Variants in TMEM131 observed in about 807,000 individuals in gnomAD.
TMEM131 encodes the protein 2610524E03Rik.
A neutral mutation model predicts 211.6 loss-of-function variants in TMEM131; 66 were observed. The observed-to-expected ratio is 0.31, with a 90% CI of 0.26 to 0.38. TMEM131 has a LOEUF of 0.38. TMEM131 is among the 10% of genes least tolerant of loss of function. TMEM131 has a pLI of 1.00. For synonymous variants in TMEM131, 844 were observed against 841.3 expected (o/e 1.00, Z -0.06); for missense variants, 2,036 against 2,299.3 (o/e 0.89, Z 2.34).
Position 97,811,312 on chromosome 2 carries a change from G to A in TMEM131, c.1864-80C>T, listed in dbSNP as rs997250193. 72 of 1,028,104 alleles carry A rather than the reference G, an allele frequency of 7.0e-5. No homozygotes were observed. The African/African-American group carries it at 8.3e-4, about 12-fold the overall frequency. The allele number at this position is 1,028,104 out of a possible 1,614,324, so 63.7% of individuals were successfully genotyped here. On this transcript the variant is annotated intron_variant, in intron 17 of 40. Transcript: ENST00000186436. ...TTAAAATGGACATGAAGGGTGTAGC[G>A]ATAAAATGACTAACAAATCCTAACA...
chr2:97,995,496 G>C lies in TMEM131; in HGVS notation c.167C>G (p.Ala56Gly), dbSNP rs577638823. 13 of 1,409,126 alleles carry C rather than the reference G, an allele frequency of 9.2e-6. No individual in the cohort carries two copies. The highest frequency in any genetic ancestry group is 1.2e-5 in the Non-Finnish European group (13 of 1,076,150). 87.3% of individuals were successfully genotyped at this position (1,409,126 alleles called of 1,614,324 possible). Residue 56 changes from alanine to glycine, a missense_variant, in exon 1 of 41, where the codon GCG becomes GGG. Transcript: ENST00000186436. ...CCCACCTTCCTTCTCGGCCCGCGCC[G>C]CAGCCACTACGAGGGTCATCACCAG... ...LHLVMTLVVA[A>G]ARAEKEAFVQ...
chr2:97,961,280 A>G (rs1050917901), intron 1 of TMEM131, among the ~76,000 whole-genome samples: 1 of 152,198 alleles, frequency 6.6e-6, no homozygotes, highest in Non-Finnish European at 1.5e-5. Context: ...AAAAAATACA[A>G]TCGGTTGTAT....
At chr2:97,837,479 C>T (rs1682990879) in intron 7 of TMEM131, among the ~76,000 whole-genome samples, 1 of 152,174 alleles carries the variant, frequency 6.6e-6, no homozygotes, top group Admixed American at 6.5e-5. Context: ...ACAAAAATTA[C>T]CAAGTTTTGG....
chr2:97,980,299 G>A (rs1679729769), intron 1 of TMEM131, among the ~76,000 whole-genome samples: 1 of 152,206 alleles, frequency 6.6e-6, no homozygotes, highest in South Asian at 2.1e-4. Context: ...TGTCAGGCAG[G>A]ATTGCCACAA....
At chr2:97,953,013 A>C in intron 1 of TMEM131, among the ~76,000 whole-genome samples, 1 of 152,252 alleles carries the variant, frequency 6.6e-6, no homozygotes, top group East Asian at 1.9e-4. Flanking sequence ...TGTCACTACC[A>C]AGCCTACGCT....
intron 1 of TMEM131, among the ~76,000 whole-genome samples, chr2:97,987,065 T>C (rs1360824934): frequency 6.6e-6 from 1 of 152,232 alleles, no homozygotes; most frequent in Non-Finnish European, 1.5e-5. Context: ...ATCCATAAAG[T>C]TGGCTATGCT....
At position 97,772,061 on chromosome 2, in the gene TMEM131, C is replaced by T. The variant is rs923675826; in HGVS notation, c.4448+236G>A. Among the ~76,000 whole-genome samples the T allele has an allele frequency of 2.0e-5, 3 of 152,188 alleles. No individual in the cohort carries two copies. In the South Asian group the frequency reaches 6.2e-4, roughly 32 times the overall value. ...TTCCTCCTAAATTTTTATAACAGAT[C>T]GTGAGCTCTGCCCTCTGCATATCTG... On this transcript the variant is annotated intron_variant, in intron 33 of 40. Coordinates refer to ENST00000186436, the MANE Select transcript of TMEM131 (RefSeq NM_015348.2).
At chr2:97,972,577 A>C (rs899419292) in intron 1 of TMEM131, among the ~76,000 whole-genome samples, 2 of 152,106 alleles carry the variant, frequency 1.3e-5, no homozygotes, top group African/African-American at 4.8e-5. Flanking sequence ...TGGGCAAAAT[A>C]ATAGTCATCA....
intron 34 of TMEM131, 73 bp downstream of exon 34, chr2:97,766,405 C>A: frequency 6.2e-7 from 1 of 1,606,888 alleles, no homozygotes; most frequent in Non-Finnish European, 8.5e-7. Context: ...ACTGATAATG[C>A]ACAACAATTG....
chr2:97,805,470 G>T lies in TMEM131; in HGVS notation c.2209-19C>A. ...TTGCAATCTATAAAGAGGCACAGGA[G>T]AACCATGAATCCCAAATCCACAGGA... On this transcript the variant is annotated intron_variant, in intron 20 of 40. Transcript: ENST00000186436. 6.2e-7 allele frequency: 1 copy of T among 1,613,806 alleles called. No homozygotes were observed. Among genetic ancestry groups the T allele is most frequent in the Non-Finnish European group, 8.5e-7 (1 of 1,179,800 alleles).
At chr2:97,840,268 T>C (rs1017355107) in intron 7 of TMEM131, among the ~76,000 whole-genome samples, 2 of 152,202 alleles carry the variant, frequency 1.3e-5, no homozygotes, top group East Asian at 1.9e-4. Flanking sequence ...AGAGAAAAGG[T>C]ACAGACTGTA....
At chr2:97,946,953 T>TA (rs1400707581) in intron 1 of TMEM131, among the ~76,000 whole-genome samples, 1 of 151,686 alleles carries the variant, frequency 6.6e-6, no homozygotes, top group African/African-American at 2.4e-5. Context: ...ATATAAGACT[T>TA]AAAAAACAAA....
At chr2:97,781,322 T>C (rs1362528474) in intron 31 of TMEM131, among the ~76,000 whole-genome samples, 1 of 152,222 alleles carries the variant, frequency 6.6e-6, no homozygotes, top group Non-Finnish European at 1.5e-5. Context: ...ATACCAATGC[T>C]GTGACCTGCT....
At chr2:97,894,448 T>A (rs555669450) in intron 3 of TMEM131, among the ~76,000 whole-genome samples, 1 of 152,224 alleles carries the variant, frequency 6.6e-6, no homozygotes, top group Non-Finnish European at 1.5e-5. Context: ...GGGGACAGCA[T>A]TGAATCTATA....
At chr2:97,785,849 A>G (rs1680223719) in intron 31 of TMEM131, among the ~76,000 whole-genome samples, 1 of 152,254 alleles carries the variant, frequency 6.6e-6, no homozygotes, top group Non-Finnish European at 1.5e-5. Flanking sequence ...AAAGGAACGC[A>G]CTGGTGAATC....
chr2:97,878,163 C>T (rs1001723088), intron 4 of TMEM131, among the ~76,000 whole-genome samples: 12 of 152,176 alleles, frequency 7.9e-5, no homozygotes, highest in African/African-American at 2.9e-4. Context: ...CCATCTCACA[C>T]CAGTTAGAAT....
At chr2:97,979,847 G>C (rs183138295) in intron 1 of TMEM131, among the ~76,000 whole-genome samples, 1 of 152,176 alleles carries the variant, frequency 6.6e-6, no homozygotes, top group Non-Finnish European at 1.5e-5. Flanking sequence ...TGTTTGGTAC[G>C]AGAGGCCTAG....
intron 22 of TMEM131, 82 bp from the exon 23 acceptor site, chr2:97,802,872 T>C: frequency 8.0e-7 from 1 of 1,257,018 alleles, no homozygotes; most frequent in African/African-American, 1.5e-5. Flanking sequence ...TAGGCTTATG[T>C]ACTTGAGAAA....
chr2:97,786,778 C>CG (rs1209508068), intron 31 of TMEM131, among the ~76,000 whole-genome samples: 1 of 152,126 alleles, frequency 6.6e-6, no homozygotes, highest in Non-Finnish European at 1.5e-5. Context: ...CTGGGTTTGA[C>CG]GGGGGGCCGA....
Sources: gnomAD v4.1 joint callset for allele counts (sites outside exome capture counted in the v4.1 genomes callset) on GRCh38, gnomAD v4.1.1 for gene constraint, MANE v1.5 for transcripts, NCBI Gene and HGNC (gene_info 2026-07-23, HGNC 2026-07-21) for gene names.